COL14A1: variants seen among roughly 807,000 people sequenced by gnomAD.
COL14A1 encodes collagen type XIV alpha 1 chain, also known as collagen alpha-1(XIV) chain.
COL14A1 carries 136 observed loss-of-function variants against 230.3 expected under a neutral mutation model. The observed-to-expected ratio is 0.59, with a 90% CI of 0.51 to 0.68. The LOEUF is 0.68. Ranked by LOEUF, COL14A1 falls within the 30% of genes least tolerant of loss-of-function variation. COL14A1 has a pLI of 0.00. For missense variants in COL14A1, 1,976 were observed against 2,215.8 expected (o/e 0.89, Z 2.17); for synonymous variants, 792 against 784.1 (o/e 1.01, Z -0.17).
chr8:120,325,721 G>A (rs576599757), intron 40 of COL14A1, among the ~76,000 whole-genome samples: 2 of 152,084 alleles, frequency 1.3e-5, no homozygotes, highest in African/African-American at 2.4e-5. Context: ...CGGAACCCCC[G>A]ACCTCCAGTG....
At position 120,249,303 on chromosome 8, in the gene COL14A1, T is replaced by C. The variant is rs1818867929; in HGVS notation, c.2603-1314T>C. Among the ~76,000 whole-genome samples, 4 of 152,052 alleles carry C rather than the reference T, an allele frequency of 2.6e-5. No homozygotes were observed. The South Asian group carries it at 8.3e-4, about 32-fold the overall frequency. ...ATTGTGCCTCATTATCCAGGTGCTATTGTCTTCAGGCCCGTAAGACTCAAA... is the reference window on the plus strand; with the variant it reads ...ATTGTGCCTCATTATCCAGGTGCTACTGTCTTCAGGCCCGTAAGACTCAAA... On this transcript the variant is annotated intron_variant, in intron 21 of 47. Coordinates refer to ENST00000297848, the MANE Select transcript of COL14A1 (RefSeq NM_021110.4).
Position 120,227,271 on chromosome 8 carries a change from G to A in COL14A1, c.2056G>A (p.Gly686Ser), listed in dbSNP as rs76456653. 40 of 1,613,986 alleles carry A rather than the reference G, an allele frequency of 2.5e-5. No homozygotes were observed. Among genetic ancestry groups the A allele is most frequent in the South Asian group, 6.6e-5 (6 of 91,058 alleles). ...DSHVIEGLEPGTEYEVSLLAV... is the reference protein window; with the variant it reads ...DSHVIEGLEPSTEYEVSLLAV... ...ACATGTTATTGAAGGCCTGGAGCCC[G>A]GTACGGAGTATGAAGTTTCACTATT... The change falls in exon 17 of 48, where the codon GGT (glycine) becomes AGT (serine). Residue 686 changes from glycine to serine, a missense_variant. Physicochemically the swap from Gly to Ser is moderately conservative, Grantham distance 56. Around this residue, in one of 3 missense-constraint regions of COL14A1, gnomAD observed 1,791 missense variants for 2,019.5 expected, o/e 0.89. Transcript: ENST00000297848.
At chr8:120,332,306 G>A (rs2130214094) in intron 41 of COL14A1, 112 bp downstream of exon 41, 6 of 976,262 alleles carry the variant, frequency 6.1e-6, no homozygotes, top group Admixed American at 2.2e-5. Flanking sequence ...ACTATAGTGT[G>A]ACAACTCATC....
chr8:120,253,108 C>A (rs1819028759), intron 22 of COL14A1, among the ~76,000 whole-genome samples: 1 of 152,170 alleles, frequency 6.6e-6, no homozygotes, highest in Admixed American at 6.5e-5. Context: ...AACTTCACAG[C>A]CTTCCTTAGT....
intron 19 of COL14A1, among the ~76,000 whole-genome samples, chr8:120,233,600 T>C (rs766011106): frequency 2.2e-4 from 34 of 152,134 alleles, no homozygotes; most frequent in Non-Finnish European, 3.2e-4. Flanking sequence ...CTTGTTTTTT[T>C]CCAGGTTTGT....
intron 37 of COL14A1, among the ~76,000 whole-genome samples, chr8:120,312,503 G>A (rs960651156): frequency 1.3e-5 from 2 of 152,044 alleles, no homozygotes; most frequent in Admixed American, 6.6e-5. Flanking sequence ...TCCGTCTTCA[G>A]CCTCTTCCTA....
Position 120,199,463 on chromosome 8 carries a change from A to G in COL14A1, c.774A>G (p.Gly258=). The change falls in exon 8 of 48, where the codon GGA becomes GGG. Residue 258 remains glycine (G), a synonymous_variant. Transcript: ENST00000297848. The part of the protein sequence containing the change: ...SFKPEAGSRT[G]VSKIGILITD... ...AACCAGAAGCAGGATCAAGGACTGG[A>G]GTATCCAAAATTGGCATTTTAATCA... 1 of 1,612,584 alleles carries G rather than the reference A, an allele frequency of 6.2e-7. No homozygotes were observed. Among genetic ancestry groups the G allele is most frequent in the Non-Finnish European group, 8.5e-7 (1 of 1,179,426 alleles).
At chr8:120,261,653 G>A (rs963858429) in intron 23 of COL14A1, among the ~76,000 whole-genome samples, 2 of 152,102 alleles carry the variant, frequency 1.3e-5, no homozygotes, top group African/African-American at 4.8e-5. Flanking sequence ...CCTCTGTCAT[G>A]GTGGAGAAAA....
At position 120,280,759 on chromosome 8, in the gene COL14A1, A is replaced by ATCACAATC. The variant is rs1220968890; in HGVS notation, c.3685+12_3685+19dup. 1.2e-6 allele frequency: 2 copies of ATCACAATC among 1,612,534 alleles called. No homozygotes were observed. The highest frequency in any genetic ancestry group is 1.7e-6 in the Non-Finnish European group (2 of 1,179,482). ...GGCATTGATCTTGCAGGTATGCATTATCACAATCTTTTCAAACACAAAATA... is the reference window on the plus strand; with the variant it reads ...GGCATTGATCTTGCAGGTATGCATTATCACAATCTCACAATCTTTTCAAACACAAAATA... On this transcript the variant is annotated intron_variant, in intron 30 of 47. Coordinates refer to ENST00000297848, the MANE Select transcript of COL14A1 (RefSeq NM_021110.4).
At position 120,208,402 on chromosome 8, in the gene COL14A1, G is replaced by T. The variant is rs767364793; in HGVS notation, c.1321+41G>T. 6.3e-6 allele frequency: 10 copies of T among 1,590,706 alleles called. 1 individual carries two copies. The South Asian group carries it at 1.0e-4, about 16-fold the overall frequency. The stretch of plus-strand genomic sequence containing the variant: ...TACCCCACTTCTAACTTTGTAGAGT[G>T]CTGCTTAGGAGGCCTTTCTTAAATT... On this transcript the variant is annotated intron_variant, in intron 11 of 47. Transcript: ENST00000297848.
chr8:120,241,191 A>C (rs1345815172), intron 19 of COL14A1, among the ~76,000 whole-genome samples: 2 of 152,220 alleles, frequency 1.3e-5, no homozygotes, highest in East Asian at 3.8e-4. Context: ...ACATTACTGC[A>C]ACAACCTGAG....
intron 26 of COL14A1, among the ~76,000 whole-genome samples, chr8:120,275,833 G>T (rs1412204269): frequency 6.6e-6 from 1 of 151,824 alleles, no homozygotes; most frequent in Non-Finnish European, 1.5e-5. Flanking sequence ...AAAAACAATA[G>T]ATGTCGGTGT....
intron 4 of COL14A1, among the ~76,000 whole-genome samples, chr8:120,163,551 G>A (rs1470928198): frequency 2.0e-5 from 3 of 152,082 alleles, no homozygotes; most frequent in Non-Finnish European, 4.4e-5. Context: ...ATCACCTGAG[G>A]TCAGGAGTTC....
chr8:120,314,195 A>G (rs1196299576), intron 38 of COL14A1, among the ~76,000 whole-genome samples, 168 bp downstream of exon 38: 2 of 152,196 alleles, frequency 1.3e-5, no homozygotes, highest in South Asian at 2.1e-4. Flanking sequence ...TTTGTGTCCA[A>G]TGATGAAGGT....
At chr8:120,346,448 AC>A (rs1321500188) in intron 45 of COL14A1, among the ~76,000 whole-genome samples, 21 of 152,320 alleles carry the variant, frequency 1.4e-4, no homozygotes, top group African/African-American at 4.6e-4. Context: ...GGAAAAGCTA[AC>A]TTTTACCTAT....
At chr8:120,154,284 A>T (rs1455566969) in intron 2 of COL14A1, among the ~76,000 whole-genome samples, 1 of 152,166 alleles carries the variant, frequency 6.6e-6, no homozygotes, top group East Asian at 1.9e-4. Flanking sequence ...AGATTATGAA[A>T]CAGAATTTCG....
intron 24 of COL14A1, among the ~76,000 whole-genome samples, chr8:120,264,270 TGTTGTA>T (rs1372460577): frequency 3.3e-5 from 5 of 152,342 alleles, no homozygotes; most frequent in African/African-American, 1.2e-4. Context: ...GGTTTATCCA[TGTTGTA>T]GATTGTGTCA....
At chr8:120,193,711 G>T (rs1172186065) in intron 5 of COL14A1, among the ~76,000 whole-genome samples, 1 of 152,214 alleles carries the variant, frequency 6.6e-6, no homozygotes, top group Non-Finnish European at 1.5e-5. Flanking sequence ...CCCAGTTTGA[G>T]CTTCCCGGCT....
At chr8:120,143,354 C>T (rs1419277281) in intron 1 of COL14A1, among the ~76,000 whole-genome samples, 1 of 152,184 alleles carries the variant, frequency 6.6e-6, no homozygotes, top group Admixed American at 6.5e-5. Context: ...CACAGTGGCT[C>T]ACGCCTGTAA....
Sources: gnomAD v4.1 joint callset for allele counts (sites outside exome capture counted in the v4.1 genomes callset) on GRCh38, gnomAD v4.1.1 for gene constraint, gnomAD v4.1.1 regional missense constraint, MANE v1.5 for transcripts, NCBI Gene and HGNC (gene_info 2026-07-23, HGNC 2026-07-21) for gene names.